The following EXO1 variants were observed in gnomAD, a reference collection of about 807,000 sequenced individuals.
The protein encoded by EXO1 is exonuclease 1.
In EXO1, 69 loss-of-function variants were observed where a neutral mutation model predicts 84.5. That is an observed-to-expected ratio of 0.82 (90% confidence interval 0.67 to 1.00). EXO1 has a LOEUF of 1.00. Ranked by LOEUF, EXO1 falls within the 50% of genes least tolerant of loss-of-function variation. EXO1 has a pLI of 0.00. For missense variants in EXO1, 1,045 were observed against 1,000.7 expected, an observed-to-expected ratio of 1.04 and a Z score of -0.60; for synonymous variants, 373 against 366.1, an observed-to-expected ratio of 1.02 and a Z score of -0.21.
In EXO1 at chr1:241,882,034, AT is replaced by A. The variant is rs750128852; in HGVS notation, c.2211+27del. On this transcript the variant is annotated intron_variant, in intron 14 of 15. Coordinates refer to ENST00000366548, the MANE Select transcript of EXO1 (RefSeq NM_130398.4). ...AGGAACAAGGTAAAACATTTATTTA[AT>A]TTTTTTTTTAATTTCAGAAGCGGTG... is the stretch of plus-strand genomic sequence containing the variant. 2.3e-3 allele frequency: 2,851 copies of A among 1,216,396 alleles called. No individual in the cohort carries two copies. Among genetic ancestry groups the A allele is most frequent in the Non-Finnish European group, 2.6e-3 (2,210 of 836,838 alleles). The allele number at this position is 1,216,396 out of a possible 1,614,324, so 75.4% of individuals were successfully genotyped here.
chr1:241,858,832 A>T (rs1661211795), intron 8 of EXO1, 114 bp downstream of exon 8: 1 of 782,818 alleles, frequency 1.3e-6, no homozygotes, highest in Non-Finnish European at 2.2e-6. Context: ...ATATTATATT[A>T]TTAAAAGGAG....
Position 241,879,134 on chromosome 1 carries a change from C to T in EXO1, c.1900C>T (p.Arg634Ter), listed in dbSNP as rs560322680. ...TCCAAGCACAGCATTGCAGCAGTTC[C>T]GAAGAAAGAGCGATTCCCCCACCTC... ...PSPSTALQQF[R>*]RKSDSPTSLP... The change falls in exon 13 of 16, where the codon CGA becomes TGA. Residue 634 changes from arginine to a stop codon, truncating the protein, a stop_gained. Coordinates refer to ENST00000366548, the MANE Select transcript of EXO1 (RefSeq NM_130398.4). LOFTEE classifies it high-confidence loss of function. 2.5e-6 allele frequency: 4 copies of T among 1,610,218 alleles called. No individual in the cohort carries two copies. Among genetic ancestry groups the T allele is most frequent in the Non-Finnish European group, 3.4e-6 (4 of 1,176,596 alleles).
intron 14 of EXO1, among the ~76,000 whole-genome samples, chr1:241,882,773 A>G (rs545216084): frequency 6.6e-6 from 1 of 152,224 alleles, no homozygotes; most frequent in South Asian, 2.1e-4. Flanking sequence ...ATAATAAAAT[A>G]GTTTCTTGCC....
intron 11 of EXO1, among the ~76,000 whole-genome samples, chr1:241,868,583 G>A (rs991819374): frequency 2.0e-5 from 3 of 152,086 alleles, no homozygotes; most frequent in Non-Finnish European, 4.4e-5. Context: ...TGGGAGGATC[G>A]CTCGAGCCTC....
intron 14 of EXO1, 71 bp from the exon 15 acceptor site, chr1:241,885,241 GAA>G: frequency 1.7e-6 from 1 of 572,830 alleles, no homozygotes; most frequent in Non-Finnish European, 2.9e-6. Flanking sequence ...AATAAGTAAA[GAA>G]TAAAGAATAG....
At chr1:241,856,237 C>A (rs1661026870) in intron 6 of EXO1, among the ~76,000 whole-genome samples, 1 of 149,572 alleles carries the variant, frequency 6.7e-6, no homozygotes. Context: ...GATCTTGATA[C>A]CTCTTTCCTC....
Position 241,885,445 on chromosome 1 carries a change from C to T in EXO1, c.2343C>T (p.Ala781=), listed in dbSNP as rs201597194. ...ASIQKRKHHN[A]ENKPGLQIKL... ...TCCAGAAGAGAAAGCATCATAATGC[C>T]GAGAACAAGCCGGGGTTACAGATCA... Residue 781 remains alanine, a synonymous_variant, in exon 15 of 16, where the codon GCC becomes GCT. Coordinates refer to ENST00000366548, the MANE Select transcript of EXO1 (RefSeq NM_130398.4). 8.7e-6 allele frequency: 14 copies of T among 1,613,690 alleles called. No individual in the cohort carries two copies. The highest frequency in any genetic ancestry group is 6.7e-5 in the East Asian group (3 of 44,846).
chr1:241,856,529 T>C (rs2488471), intron 6 of EXO1, among the ~76,000 whole-genome samples: 99,180 of 151,900 alleles, frequency 0.65, 33,334 homozygotes, highest in East Asian at 0.8. Context: ...TGTGTGTATA[T>C]GTATACACAC....
At chr1:241,861,244 C>T (rs1661364930) in intron 9 of EXO1, among the ~76,000 whole-genome samples, 162 bp from the exon 10 acceptor site, 1 of 152,224 alleles carries the variant, frequency 6.6e-6, no homozygotes, top group South Asian at 2.1e-4. Flanking sequence ...GACTAGCAAA[C>T]TGTGTCTGCT....
intron 11 of EXO1, among the ~76,000 whole-genome samples, chr1:241,867,337 G>A (rs759465303): frequency 1.4e-4 from 22 of 152,258 alleles, no homozygotes; most frequent in South Asian, 4.1e-4. Flanking sequence ...AAGAATGAGA[G>A]CCAAGTGAAA....
intron 12 of EXO1, among the ~76,000 whole-genome samples, chr1:241,873,055 C>A (rs563013270): frequency 6.6e-6 from 1 of 151,002 alleles, no homozygotes; most frequent in Non-Finnish European, 1.5e-5. Flanking sequence ...TTCTAACTGA[C>A]GTGAGATGGT....
chr1:241,860,740 A>AT, intron 9 of EXO1, 36 bp downstream of exon 9: 1 of 1,535,984 alleles, frequency 6.5e-7, no homozygotes, highest in East Asian at 2.2e-5. Flanking sequence ...GAATTTGTGC[A>AT]TTTTTCTTCA....
chr1:241,856,749 G>A (rs1227331582), intron 6 of EXO1, among the ~76,000 whole-genome samples: 2 of 152,174 alleles, frequency 1.3e-5, no homozygotes, highest in African/African-American at 2.4e-5. Flanking sequence ...AAATAAGTGG[G>A]CCAGGCACAA....
chr1:241,866,836 C>T lies in EXO1; in HGVS notation c.1048C>T (p.His350Tyr). 1 of 1,606,110 alleles carries T rather than the reference C, an allele frequency of 6.2e-7. No homozygotes were observed. The highest frequency in any genetic ancestry group is 8.5e-7 in the Non-Finnish European group (1 of 1,172,784). ...TTTCCTTTTCCTTTTCTAGCCTGCC[C>T]ATTCAAGAAGTCATAGTTGGGATGA... ...DYNPDTAMPA[H>Y]SRSHSWDDKT... The change falls in exon 11 of 16, where the codon CAT becomes TAT. Residue 350 changes from histidine (H) to tyrosine (Y), a missense_variant. His to Tyr is a moderately conservative substitution (Grantham distance 83, BLOSUM62 2). Transcript: ENST00000366548.
intron 10 of EXO1, 86 bp from the exon 11 acceptor site, chr1:241,866,744 G>C: frequency 9.8e-7 from 1 of 1,019,630 alleles, no homozygotes; most frequent in Non-Finnish European, 1.5e-6. Flanking sequence ...AACTTAAGAT[G>C]TTTATTTATA....
chr1:241,886,382 C>T (rs1237459018), intron 15 of EXO1, among the ~76,000 whole-genome samples: 1 of 152,076 alleles, frequency 6.6e-6, no homozygotes, highest in African/African-American at 2.4e-5. Flanking sequence ...GTAGCATTAC[C>T]TTATAGCTAT....
intron 11 of EXO1, among the ~76,000 whole-genome samples, chr1:241,869,736 T>C (rs2298934): frequency 0.51 from 71,737 of 139,468 alleles, 18,508 homozygotes; most frequent in East Asian, 0.71. Flanking sequence ...CCTTCCTTCC[T>C]TCCCTCCCTC....
chr1:241,869,434 T>C (rs1188726444), intron 11 of EXO1, among the ~76,000 whole-genome samples: 2 of 152,200 alleles, frequency 1.3e-5, no homozygotes, highest in Non-Finnish European at 2.9e-5. Flanking sequence ...TGATTATAAT[T>C]GCTTCCTTCT....
intron 7 of EXO1, 120 bp downstream of exon 7, chr1:241,857,602 T>C (rs1057146808): frequency 1.4e-5 from 5 of 347,882 alleles, no homozygotes; most frequent in African/African-American, 4.4e-5. Context: ...AAATTTATAA[T>C]ATTTATAAAA....
Sources: allele counts gnomAD v4.1 joint callset (sites outside exome capture counted in the v4.1 genomes callset), GRCh38; gene constraint gnomAD v4.1.1; transcripts MANE v1.5; gene names NCBI Gene and HGNC (gene_info 2026-07-23, HGNC 2026-07-21).